The following CBFA2T2 variants were observed in gnomAD, a reference collection of about 807,000 sequenced individuals.
The protein encoded by CBFA2T2 is protein CBFA2T2.
Under a neutral mutation model 62.2 loss-of-function variants are expected in CBFA2T2, and 11 were observed. That is an observed-to-expected ratio of 0.18 (90% CI 0.11 to 0.29). CBFA2T2 has a LOEUF of 0.29. Among genes scored for constraint, CBFA2T2 ranks in the 10% least tolerant of loss-of-function variants. CBFA2T2 has a pLI of 1.00. For missense variants in CBFA2T2, 592 were observed against 774.1 expected, an observed-to-expected ratio of 0.76 and a Z score of 2.79; for synonymous variants, 295 against 287.5, an observed-to-expected ratio of 1.03 and a Z score of -0.27.
At position 33,529,267 on chromosome 20, in the gene CBFA2T2, C is replaced by T. The variant is rs557826503; in HGVS notation, c.34+38966C>T. 5.3e-5 allele frequency among the ~76,000 whole-genome samples: 8 copies of T among 152,080 alleles called. No homozygotes were observed. In the South Asian group the frequency reaches 1.0e-3, roughly 20 times the overall value. ...GTCTTGATCTCCTGACCTCGTGATC[C>T]GCCCACCTCGGCCTCCCAAAGTGCT... On this transcript the variant is annotated intron_variant, in intron 1 of 10. Coordinates refer to ENST00000342704, the MANE Select transcript of CBFA2T2 (RefSeq NM_001032999.3).
At chr20:33,601,821 T>TG (rs1410301297) in intron 1 of CBFA2T2, 3 of 151,924 alleles carry the variant, frequency 2.0e-5, no homozygotes, top group Non-Finnish European at 4.4e-5. Flanking sequence ...TTTTTTTTTT[T>TG]TGAGACAGGG....
intron 1 of CBFA2T2, among the ~76,000 whole-genome samples, chr20:33,598,522 C>T (rs1413088711): frequency 6.6e-6 from 1 of 152,122 alleles, no homozygotes; most frequent in Non-Finnish European, 1.5e-5. Context: ...TCTCTTATTC[C>T]CTGAACAATT....
intron 1 of CBFA2T2, among the ~76,000 whole-genome samples, chr20:33,569,983 C>T (rs1317039836): frequency 6.6e-6 from 1 of 152,112 alleles, no homozygotes; most frequent in Non-Finnish European, 1.5e-5. Flanking sequence ...TACTTGAGCC[C>T]AGTCATTCAA....
intron 1 of CBFA2T2, among the ~76,000 whole-genome samples, chr20:33,516,960 G>A (rs1283831457): frequency 6.6e-6 from 1 of 152,188 alleles, no homozygotes; most frequent in Non-Finnish European, 1.5e-5. Flanking sequence ...ATATTGATTT[G>A]CTCAGTGTTA....
At chr20:33,588,373 A>AT (rs2014470833) in intron 1 of CBFA2T2, among the ~76,000 whole-genome samples, 1 of 150,230 alleles carries the variant, frequency 6.7e-6, no homozygotes, top group African/African-American at 2.5e-5. Flanking sequence ...TATATATATA[A>AT]ATATATATAG....
At chr20:33,625,462 G>C (rs1319003286) in intron 6 of CBFA2T2, among the ~76,000 whole-genome samples, 1 of 152,162 alleles carries the variant, frequency 6.6e-6, no homozygotes, top group Admixed American at 6.5e-5. Context: ...ATTCAGCCTG[G>C]GTGACAGAGT....
Position 33,606,424 on chromosome 20 carries a change from T to C in CBFA2T2, c.35-532T>C, listed in dbSNP as rs561351368. 3.9e-5 allele frequency among the ~76,000 whole-genome samples: 6 copies of C among 152,290 alleles called. No individual in the cohort carries two copies. In the South Asian group the frequency reaches 1.2e-3, roughly 32 times the overall value. On this transcript the variant is annotated intron_variant, in intron 1 of 10. Coordinates refer to ENST00000342704, the MANE Select transcript of CBFA2T2 (RefSeq NM_001032999.3). ...CTGAGTGGCTTAAGACAATAGAAAT[T>C]CATTCTCTCACAGTTCAGAAAGCCA...
intron 1 of CBFA2T2, among the ~76,000 whole-genome samples, chr20:33,496,256 C>T (rs1230089608): frequency 6.6e-6 from 1 of 152,186 alleles, no homozygotes; most frequent in Non-Finnish European, 1.5e-5. Flanking sequence ...TCTGGACCTA[C>T]AGGGAACCTG....
chr20:33,525,814 T>A (rs554473846), intron 1 of CBFA2T2, among the ~76,000 whole-genome samples: 1 of 152,234 alleles, frequency 6.6e-6, no homozygotes, highest in East Asian at 1.9e-4. Context: ...ACCATGCCTG[T>A]GACCAGTTTT....
intron 1 of CBFA2T2, among the ~76,000 whole-genome samples, chr20:33,493,068 GTTTTTTTTTT>G (rs1157324208): frequency 2.3e-5 from 2 of 88,080 alleles, no homozygotes; most frequent in Admixed American, 1.4e-4. Flanking sequence ...TGAAGTTTTG[GTTTTTTTTTT>G]TTTTTTTTTT....
Position 33,629,743 on chromosome 20 carries a change from G to A in CBFA2T2, c.1057G>A (p.Val353Ile). ...GGCGCTGAATTGCATTATGGAAATG[G>A]TAGAGAAAACAAGGCGCTCTATGGC... ...DHALNCIMEM[V>I]EKTRRSMAVL... The change falls in exon 8 of 11, where the codon GTA (valine) becomes ATA (isoleucine). Residue 353 changes from valine to isoleucine, a missense_variant. By Grantham distance (29) the Val-to-Ile change is conservative. Transcript: ENST00000342704. 1 of 1,613,850 alleles carries A rather than the reference G, an allele frequency of 6.2e-7. No homozygotes were observed. Among genetic ancestry groups the A allele is most frequent in the Middle Eastern group, 1.7e-4 (1 of 6,060 alleles).
intron 1 of CBFA2T2, among the ~76,000 whole-genome samples, chr20:33,527,309 C>A (rs2011915412): frequency 6.6e-6 from 1 of 151,368 alleles, no homozygotes; most frequent in African/African-American, 2.4e-5. Flanking sequence ...TCAAGTGATT[C>A]TCCTGCCTCA....
chr20:33,546,809 A>G (rs1260626470), intron 1 of CBFA2T2, among the ~76,000 whole-genome samples: 1 of 147,840 alleles, frequency 6.8e-6, no homozygotes, highest in African/African-American at 2.5e-5. Flanking sequence ...TGTTTTCTTT[A>G]CAATTGAGTT....
chr20:33,502,552 C>G (rs983659863), intron 1 of CBFA2T2, among the ~76,000 whole-genome samples: 1 of 151,790 alleles, frequency 6.6e-6, no homozygotes, highest in Non-Finnish European at 1.5e-5. Context: ...CACAGGCGCC[C>G]GCCAACACAC....
intron 1 of CBFA2T2, among the ~76,000 whole-genome samples, chr20:33,539,864 T>C (rs184083136): frequency 6.6e-6 from 1 of 151,722 alleles, no homozygotes; most frequent in African/African-American, 2.4e-5. Flanking sequence ...TTTTTTTTTT[T>C]AATTTTTATT....
At chr20:33,584,040 C>T (rs1177274637) in intron 1 of CBFA2T2, among the ~76,000 whole-genome samples, 1 of 152,034 alleles carries the variant, frequency 6.6e-6, no homozygotes, top group Non-Finnish European at 1.5e-5. Context: ...CTCTGCCTCC[C>T]AGGTTCAAGT....
intron 1 of CBFA2T2, 47 bp downstream of exon 1, chr20:33,490,348 C>T (rs779932972): frequency 2.4e-6 from 3 of 1,262,954 alleles, no homozygotes; most frequent in Admixed American, 3.8e-5. Flanking sequence ...GTGTGAGGGC[C>T]TGCGGCTCCG....
chr20:33,639,408 A>G (rs1431511722), intron 9 of CBFA2T2: 4 of 152,240 alleles, frequency 2.6e-5, no homozygotes, highest in African/African-American at 9.7e-5. Context: ...CCCTGTCTCT[A>G]TTAAAAATAC....
chr20:33,635,376 G>A (rs1473655823), intron 8 of CBFA2T2, among the ~76,000 whole-genome samples: 1 of 152,174 alleles, frequency 6.6e-6, no homozygotes, highest in Non-Finnish European at 1.5e-5. Context: ...ATTCCTGAAA[G>A]AGGATCCAAC....
Sources: allele counts gnomAD v4.1 joint callset (sites outside exome capture counted in the v4.1 genomes callset), GRCh38; gene constraint gnomAD v4.1.1; transcripts MANE v1.5; gene names NCBI Gene and HGNC (gene_info 2026-07-23, HGNC 2026-07-21).